NUP58: variants seen among roughly 807,000 people sequenced by gnomAD.
The protein encoded by NUP58 is nucleoporin 58.
A neutral mutation model predicts 70.1 loss-of-function variants in NUP58; 17 were observed. The observed-to-expected ratio is 0.24, with a 90% CI of 0.17 to 0.36. The LOEUF (loss-of-function observed/expected upper bound fraction) is 0.36. Ranked by LOEUF, NUP58 falls within the 10% of genes least tolerant of loss-of-function variation. The pLI is 1.00. For missense variants in NUP58, 644 were observed against 701.5 expected (o/e 0.92, Z 0.93); for synonymous variants, 275 against 257.6 (o/e 1.07, Z -0.65).
At position 25,331,472 on chromosome 13, in the gene NUP58, C is replaced by G; in HGVS notation, c.1349C>G (p.Thr450Ser). ...KKWQNTPRVT[T>S]GPTPFSTMPN... ...TGGCAGAACACACCCAGAGTTACTA[C>G]TGGACCCACTCCTTTCAGCACCATG... The change falls in exon 13 of 16, where the codon ACT (threonine) becomes AGT (serine). Residue 450 changes from threonine (T) to serine (S), a missense_variant. By Grantham distance (58) the Thr-to-Ser change is moderately conservative. This residue lies in a region of NUP58 where 132 missense variants were observed against 203.9 expected (regional missense o/e 0.65). Coordinates refer to ENST00000381736, the MANE Select transcript of NUP58 (RefSeq NM_014089.4). 6.2e-7 allele frequency: 1 copy of G among 1,614,172 alleles called. No individual in the cohort carries two copies. The highest frequency in any genetic ancestry group is 8.5e-7 in the Non-Finnish European group (1 of 1,180,034).
chr13:25,314,910 A>G (rs929484024), intron 5 of NUP58, among the ~76,000 whole-genome samples: 3 of 152,198 alleles, frequency 2.0e-5, no homozygotes, highest in Non-Finnish European at 4.4e-5. Context: ...GTATGAAATT[A>G]TATTCAATAC....
At chr13:25,326,699 A>G (rs2031408390) in intron 10 of NUP58, among the ~76,000 whole-genome samples, 1 of 152,142 alleles carries the variant, frequency 6.6e-6, no homozygotes, top group South Asian at 2.1e-4. Flanking sequence ...CAGTTTTTCC[A>G]CTAGTGTACT....
At chr13:25,307,305 C>T (rs988902844) in intron 1 of NUP58, among the ~76,000 whole-genome samples, 8 of 147,776 alleles carry the variant, frequency 5.4e-5, no homozygotes, top group African/African-American at 9.8e-5. Flanking sequence ...ACCTGCCTCC[C>T]GGGTTCAAGC....
chr13:25,313,772 TC>T, intron 5 of NUP58, 21 bp downstream of exon 5: 1 of 1,495,058 alleles, frequency 6.7e-7, no homozygotes, highest in Non-Finnish European at 8.8e-7. Context: ...GTATTTATTC[TC>T]CAGAATAGTA....
At chr13:25,322,089 C>T (rs538705592) in intron 9 of NUP58, among the ~76,000 whole-genome samples, 103 of 152,120 alleles carry the variant, frequency 6.8e-4, no homozygotes, top group African/African-American at 2.4e-3. Flanking sequence ...TTGTAGTTAC[C>T]GTAATTACAG....
At position 25,313,023 on chromosome 13, in the gene NUP58, A is replaced by G. The variant is rs1439902907; in HGVS notation, c.427A>G (p.Thr143Ala). 6.2e-7 allele frequency: 1 copy of G among 1,612,312 alleles called. No individual in the cohort carries two copies. ...GACTCTTTCGTCTGCTCTGACATCA[A>G]CTCCAGCAGGTGAGGCAGAATGAAA... is the stretch of plus-strand genomic sequence containing the variant. Reference protein sequence around the residue: ...GLTLSSALTSTPAASTGFTLN... With the variant: ...GLTLSSALTSAPAASTGFTLN... Residue 143 changes from threonine (T) to alanine (A), a missense_variant, in exon 4 of 16, where the codon ACT becomes GCT. Physicochemically the swap from Thr to Ala is moderately conservative, Grantham distance 58. Around this residue, in one of 4 missense-constraint regions of NUP58, gnomAD observed 430 missense variants for 409.2 expected, o/e 1.05. Coordinates refer to ENST00000381736, the MANE Select transcript of NUP58 (RefSeq NM_014089.4).
In NUP58 at chr13:25,307,860, A is replaced by G. The variant is rs1163473050; in HGVS notation, c.162A>G (p.Ala54=). Residue 54 remains alanine (A), a synonymous_variant, in exon 2 of 16, where the codon GCA becomes GCG. Transcript: ENST00000381736. ...ATCTTGGAAGTACTTCAACTCCAGC[A>G]ACTACATCTGCTCCTTCAAGTGGTT... ...FGNLGSTSTP[A]TTSAPSSGFG... 1 of 1,614,078 alleles carries G rather than the reference A, an allele frequency of 6.2e-7. No homozygotes were observed. The highest frequency in any genetic ancestry group is 1.3e-5 in the African/African-American group (1 of 74,944).
chr13:25,308,323 C>T (rs2030479572), intron 2 of NUP58, among the ~76,000 whole-genome samples: 1 of 151,924 alleles, frequency 6.6e-6, no homozygotes, highest in Admixed American at 6.6e-5. Context: ...TTTTTAGATA[C>T]ACAGTCTTGC....
intron 13 of NUP58, chr13:25,332,021 C>G (rs893619791): frequency 1.2e-4 from 118 of 1,012,148 alleles, no homozygotes; most frequent in Non-Finnish European, 1.4e-4. Context: ...ATGAAGTATG[C>G]TTTTATTGAC....
intron 10 of NUP58, among the ~76,000 whole-genome samples, chr13:25,325,837 G>A (rs1346783729): frequency 6.6e-6 from 1 of 152,194 alleles, no homozygotes; most frequent in Non-Finnish European, 1.5e-5. Flanking sequence ...TGGGATTACA[G>A]ATGTGAGCCA....
intron 9 of NUP58, among the ~76,000 whole-genome samples, chr13:25,321,297 A>G (rs566065969): frequency 1.3e-5 from 2 of 152,322 alleles, no homozygotes; most frequent in Non-Finnish European, 1.5e-5. Flanking sequence ...AGCAATTTAT[A>G]TCTGTTAAAA....
At chr13:25,304,398 C>G (rs1226466926) in intron 1 of NUP58, among the ~76,000 whole-genome samples, 2 of 143,700 alleles carry the variant, frequency 1.4e-5, no homozygotes, top group South Asian at 4.4e-4. Flanking sequence ...AGAAAAATTT[C>G]ATTTTGATGT....
At chr13:25,324,578 G>A (rs1291303213) in intron 9 of NUP58, among the ~76,000 whole-genome samples, 4 of 151,846 alleles carry the variant, frequency 2.6e-5, no homozygotes, top group African/African-American at 9.7e-5. Context: ...ATAGTGTTTG[G>A]TACATAGCAA....
In NUP58 at chr13:25,337,620, A is replaced by G. The variant is rs559410887; in HGVS notation, c.1534+586A>G. Among the ~76,000 whole-genome samples the G allele has an allele frequency of 5.9e-5, 9 of 152,274 alleles. No individual in the cohort carries two copies. In the South Asian group the frequency reaches 1.7e-3, roughly 28 times the overall value. The stretch of plus-strand genomic sequence containing the variant: ...CATGCTAAATACAAATGCATTCACA[A>G]TTCTTTGATATGGATAACTGAAAGT... On this transcript the variant is annotated intron_variant, in intron 14 of 15. Coordinates refer to ENST00000381736, the MANE Select transcript of NUP58 (RefSeq NM_014089.4).
chr13:25,303,079 A>G (rs772468237), intron 1 of NUP58: 33 of 456,478 alleles, frequency 7.2e-5, no homozygotes, highest in South Asian at 5.0e-4. Context: ...CAGATTTTTA[A>G]CCAGCTGTCT....
intron 13 of NUP58, chr13:25,335,243 A>G (rs1464082341): frequency 2.5e-5 from 25 of 985,088 alleles, no homozygotes; most frequent in Admixed American, 1.2e-4. Context: ...TATATTCTGA[A>G]TATTGATGAT....
At chr13:25,332,813 C>G in intron 13 of NUP58, 1 of 985,402 alleles carries the variant, frequency 1.0e-6, no homozygotes. Context: ...GGGAAAAAGT[C>G]ATTATGGGAT....
In NUP58 at chr13:25,310,955, T is replaced by A. The variant is rs572662650; in HGVS notation, c.286+1673T>A. Among the ~76,000 whole-genome samples, 5 of 152,190 alleles carry A rather than the reference T, an allele frequency of 3.3e-5. No homozygotes were observed. In the South Asian group the frequency reaches 1.0e-3, roughly 32 times the overall value. ...TGATGACATTGGGAACTGCTAAGGG[T>A]TGGAGCAAGACAGTCAGTCTGTTGT... On this transcript the variant is annotated intron_variant, in intron 3 of 15. Transcript: ENST00000381736.
chr13:25,304,996 A>G (rs947467525), intron 1 of NUP58, among the ~76,000 whole-genome samples: 5 of 152,136 alleles, frequency 3.3e-5, no homozygotes, highest in African/African-American at 4.8e-5. Context: ...GGATATAGCC[A>G]TTACATACTA....
Sources: gnomAD v4.1 joint callset for allele counts (sites outside exome capture counted in the v4.1 genomes callset) on GRCh38, gnomAD v4.1.1 for gene constraint, gnomAD v4.1.1 regional missense constraint, MANE v1.5 for transcripts, NCBI Gene and HGNC (gene_info 2026-07-23, HGNC 2026-07-21) for gene names.